Variants in RHD observed in about 807,000 individuals in gnomAD.
The protein encoded by RHD is Rh blood group D antigen, also known as blood group Rh(D) polypeptide.
RHD carries 16 observed loss-of-function variants against 45.5 expected under a neutral mutation model. The ratio of observed to expected loss-of-function variants is 0.35; its 90% confidence interval spans 0.24 to 0.53. The LOEUF (loss-of-function observed/expected upper bound fraction) is 0.53. Among genes scored for constraint, RHD ranks in the 20% least tolerant of loss-of-function variants. RHD has a pLI of 0.92. For synonymous variants in RHD, 131 were observed against 217.5 expected (o/e 0.60, Z 3.50); for missense variants, 306 against 532.0 (o/e 0.58, Z 4.18).
rs3193872 is a variant in RHD at position 25,301,561 on chromosome 1, G to C, written c.676G>C (p.Ala226Pro). 42 of 1,379,370 alleles carry C rather than the reference G, an allele frequency of 3.0e-5. 11 individuals carry two copies. The Admixed American group carries it at 5.0e-4, about 16-fold the overall frequency. The allele number at this position is 1,379,370 out of a possible 1,614,324, so 85.4% of individuals were successfully genotyped here. The change falls in exon 5 of 10, where the codon GCT (alanine) becomes CCT (proline). Residue 226 changes from alanine to proline, a missense_variant. Physicochemically the swap from Ala to Pro is conservative, Grantham distance 27 (BLOSUM62 -1). Transcript: ENST00000328664. ...GATGTTCTGGCCAAGTTTCAACTCT[G>C]CTCTGCTGAGAAGTCCAATCGAAAG... ...LWMFWPSFNS[A>P]LLRSPIERKN...
intron 7 of RHD, among the ~76,000 whole-genome samples, chr1:25,312,947 A>AAAAAAAAAAC (rs1644238926): frequency 9.1e-6 from 1 of 110,162 alleles, no homozygotes; most frequent in Non-Finnish European, 2.2e-5. Context: ...AAAAAAAAAA[A>AAAAAAAAAAC]AAAAAAAACT....
chr1:25,289,549 T>G (rs1290723317), intron 2 of RHD, among the ~76,000 whole-genome samples: 1 of 130,122 alleles, frequency 7.7e-6, no homozygotes, highest in East Asian at 2.0e-4. Context: ...TTTTACAAAA[T>G]GCTCTTATAA....
intron 2 of RHD, among the ~76,000 whole-genome samples, chr1:25,289,014 C>T (rs533034421): frequency 1.5e-5 from 2 of 134,058 alleles, no homozygotes; most frequent in East Asian, 3.9e-4. Flanking sequence ...CTGCAGCAAA[C>T]ACTGGGGAAG....
chr1:25,285,830 C>T (rs74060760), intron 2 of RHD, among the ~76,000 whole-genome samples: 2 of 134,732 alleles, frequency 1.5e-5, no homozygotes, highest in East Asian at 1.9e-4. Flanking sequence ...TGATGGTAAA[C>T]GTCATCCTAG....
rs1388339490 is a variant in RHD at position 25,311,530 on chromosome 1, GA to G, written c.1073+4811del. Among the ~76,000 whole-genome samples the G allele has an allele frequency of 1.5e-4, 18 of 120,156 alleles. 2 individuals carry two copies. Among genetic ancestry groups the G allele is most frequent in the African/African-American group, 3.9e-4 (14 of 35,596 alleles). The allele number at this position is 120,156 out of a possible 152,430, so 78.8% of individuals were successfully genotyped here. A position where few individuals can be genotyped will look rare whatever the true frequency, so the allele number is the denominator to read the frequency against. ...ACAGAGCAAAACTCCGTCTCAAAAA[GA>G]AAAAAAAAAGGAAGAAAGAAAATTA... On this transcript the variant is annotated intron_variant, in intron 7 of 9. Coordinates refer to ENST00000328664, the MANE Select transcript of RHD (RefSeq NM_016124.6).
At chr1:25,283,638 A>G (rs1156609270) in intron 1 of RHD, among the ~76,000 whole-genome samples, 2 of 133,716 alleles carry the variant, frequency 1.5e-5, no homozygotes, top group East Asian at 3.9e-4. Flanking sequence ...CACCCACGTC[A>G]AAGTGTGGTT....
At chr1:25,293,617 T>G (rs1292759732) in intron 3 of RHD, among the ~76,000 whole-genome samples, 1 of 131,304 alleles carries the variant, frequency 7.6e-6, no homozygotes, top group African/African-American at 2.6e-5. Context: ...CTTCCTAGGA[T>G]TTAGAAATTT....
chr1:25,282,298 G>C (rs1436315262), intron 1 of RHD, among the ~76,000 whole-genome samples: 1 of 131,118 alleles, frequency 7.6e-6, no homozygotes. Flanking sequence ...GCAGTGGTGC[G>C]GTCTCAGCTC....
rs115164947 is a variant in RHD, at chr1:25,274,730, G to A, written c.148+2035G>A. The stretch of plus-strand genomic sequence containing the variant: ...GCCTAAAAGGGGAAACAAAGGGCCG[G>A]GCGACGTGGCTCACGCCTGTAATCC... On this transcript the variant is annotated intron_variant, in intron 1 of 9. Coordinates refer to ENST00000328664, the MANE Select transcript of RHD (RefSeq NM_016124.6). Among the ~76,000 whole-genome samples the A allele has an allele frequency of 8.6e-4, 115 of 134,108 alleles. 15 individuals are homozygous for A. The highest frequency in any genetic ancestry group is 2.9e-3 in the African/African-American group (113 of 39,398). 88.0% of individuals were successfully genotyped at this position (134,108 alleles called of 152,430 possible). A position where few individuals can be genotyped will look rare whatever the true frequency, so the allele number is the denominator to read the frequency against.
In RHD at chr1:25,302,922, T is replaced by C. The variant is rs1386263989; in HGVS notation, c.802-400T>C. Among the ~76,000 whole-genome samples, 37 of 130,326 alleles carry C rather than the reference T, an allele frequency of 2.8e-4. 6 individuals are homozygous for C. The highest frequency in any genetic ancestry group is 9.0e-4 in the African/African-American group (34 of 37,802). The allele number at this position is 130,326 out of a possible 152,430, so 85.5% of individuals were successfully genotyped here. On this transcript the variant is annotated intron_variant, in intron 5 of 9. Coordinates refer to ENST00000328664, the MANE Select transcript of RHD (RefSeq NM_016124.6). ...ATTTTGGGAGGCTGAGGCAAGAGGA[T>C]TGGTTGAGGCCAGGAGTTCAAGACC...
At chr1:25,314,908 T>G (rs1227568646) in intron 7 of RHD, among the ~76,000 whole-genome samples, 3 of 131,434 alleles carry the variant, frequency 2.3e-5, no homozygotes, top group East Asian at 3.9e-4. Context: ...TTTATGTCCT[T>G]TTTAAGAATT....
rs541291465 is a variant in RHD, at chr1:25,298,259, A to G, written c.487-2687A>G. ...AAGAGGAGTAAATTTCAGAGGCAGAACACTCCCTGTGAGCCCGAACCTCTT... is the reference window on the plus strand; with the variant it reads ...AAGAGGAGTAAATTTCAGAGGCAGAGCACTCCCTGTGAGCCCGAACCTCTT... On this transcript the variant is annotated intron_variant, in intron 3 of 9. Transcript: ENST00000328664. Among the ~76,000 whole-genome samples, 3 of 110,016 alleles carry G rather than the reference A, an allele frequency of 2.7e-5. 1 individual carries two copies. The highest frequency in any genetic ancestry group is 1.8e-4 in the Admixed American group (2 of 10,884). 72.2% of individuals were successfully genotyped at this position (110,016 alleles called of 152,430 possible).
chr1:25,274,086 C>G (rs1322832249), intron 1 of RHD, among the ~76,000 whole-genome samples: 1 of 132,704 alleles, frequency 7.5e-6, no homozygotes, highest in Non-Finnish European at 1.8e-5. Context: ...AATGTGGGAT[C>G]CAGACTCATG....
chr1:25,313,360 C>G (rs1183470871), intron 7 of RHD, among the ~76,000 whole-genome samples: 1 of 132,444 alleles, frequency 7.6e-6, no homozygotes, highest in African/African-American at 2.6e-5. Flanking sequence ...CTGTGGTATT[C>G]TGTTATAGCA....
chr1:25,286,959 G>A lies in RHD; in HGVS notation c.335+2200G>A, dbSNP rs1371052150. 5.2e-5 allele frequency among the ~76,000 whole-genome samples: 7 copies of A among 133,596 alleles called. 1 individual carries two copies. Among genetic ancestry groups the A allele is most frequent in the South Asian group, 2.2e-4 (1 of 4,510 alleles). The allele number at this position is 133,596 out of a possible 152,430, so 87.6% of individuals were successfully genotyped here. A position where few individuals can be genotyped will look rare whatever the true frequency, so the allele number is the denominator to read the frequency against. On this transcript the variant is annotated intron_variant, in intron 2 of 9. Coordinates refer to ENST00000328664, the MANE Select transcript of RHD (RefSeq NM_016124.6). ...AACACAAAAATTAGCTGGGTGTGGCGGCAGGCACCTGTAATCCCAGCTACT... is the reference window on the plus strand; with the variant it reads ...AACACAAAAATTAGCTGGGTGTGGCAGCAGGCACCTGTAATCCCAGCTACT...
chr1:25,297,681 A>G (rs1643067476), intron 3 of RHD, among the ~76,000 whole-genome samples: 1 of 132,316 alleles, frequency 7.6e-6, no homozygotes. Flanking sequence ...TCCGGTTTAC[A>G]CACTTCCATT....
At chr1:25,315,790 C>A (rs1489112907) in intron 7 of RHD, among the ~76,000 whole-genome samples, 1 of 130,646 alleles carries the variant, frequency 7.7e-6, no homozygotes, top group African/African-American at 2.6e-5. Flanking sequence ...GCCACCACAC[C>A]CGGCCTTAAT....
At chr1:25,309,231 G>T (rs1241413722) in intron 7 of RHD, among the ~76,000 whole-genome samples, 1 of 131,368 alleles carries the variant, frequency 7.6e-6, no homozygotes, top group African/African-American at 2.7e-5. Flanking sequence ...ACAAACTGTG[G>T]GATTTTTAAG....
In RHD at chr1:25,320,345, A is replaced by T. The variant is rs561975900; in HGVS notation, c.1154-1544A>T. The stretch of plus-strand genomic sequence containing the variant: ...CTAGTGATGGTTCTGATTTTTTTTA[A>T]AAAAAGTCTAAATATGTTTAATGTT... On this transcript the variant is annotated intron_variant, in intron 8 of 9. Coordinates refer to ENST00000328664, the MANE Select transcript of RHD (RefSeq NM_016124.6). 3.9e-3 allele frequency among the ~76,000 whole-genome samples: 515 copies of T among 132,044 alleles called. 78 individuals are homozygous for T. The highest frequency in any genetic ancestry group is 7.9e-3 in the African/African-American group (305 of 38,758). 86.6% of individuals were successfully genotyped at this position (132,044 alleles called of 152,430 possible).
Sources: gnomAD v4.1 joint callset for allele counts (sites outside exome capture counted in the v4.1 genomes callset) on GRCh38, gnomAD v4.1.1 for gene constraint, MANE v1.5 for transcripts, NCBI Gene and HGNC (gene_info 2026-07-23, HGNC 2026-07-21) for gene names.